CNIH1: variants seen among roughly 807,000 people sequenced by gnomAD.
The protein encoded by CNIH1 is protein cornichon homolog 1.
CNIH1 carries 12 observed loss-of-function variants against 20.2 expected under a neutral mutation model. The observed-to-expected ratio is 0.59, with a 90% confidence interval of 0.38 to 0.96. The LOEUF is 0.96. Among genes scored for constraint, CNIH1 ranks in the 40% least tolerant of loss-of-function variants. CNIH1 has a pLI of 0.00. For synonymous variants in CNIH1, 69 were observed against 63.3 expected, an observed-to-expected ratio of 1.09 and a Z score of -0.43; for missense variants, 152 against 178.8, an observed-to-expected ratio of 0.85 and a Z score of 0.85.
In CNIH1 at chr14:54,437,652, G is replaced by T. The variant is rs1178805916; in HGVS notation, c.82-1215C>A. ...TTCAATAAATATTAACTGGAAGGAG[G>T]GGGTGAAAAAAATAGCACTAGGGAT... On this transcript the variant is annotated intron_variant, in intron 1 of 4. Coordinates refer to ENST00000216416, the MANE Select transcript of CNIH1 (RefSeq NM_005776.3). 4.0e-5 allele frequency among the ~76,000 whole-genome samples: 6 copies of T among 150,474 alleles called. 1 individual carries two copies. The highest frequency in any genetic ancestry group is 6.6e-5 in the Admixed American group (1 of 15,136).
intron 1 of CNIH1, among the ~76,000 whole-genome samples, chr14:54,437,121 G>T (rs2031070674): frequency 6.6e-6 from 1 of 152,192 alleles, no homozygotes; most frequent in African/African-American, 2.4e-5. Flanking sequence ...CACTCTGGAG[G>T]AATGTGGCTT....
chr14:54,431,996 C>T (rs911167597), intron 3 of CNIH1, 112 bp downstream of exon 3: 7 of 473,262 alleles, frequency 1.5e-5, no homozygotes, highest in Non-Finnish European at 1.8e-5. Flanking sequence ...AAAATAAATG[C>T]CAACTGATCT....
chr14:54,427,511 C>T lies in CNIH1; in HGVS notation c.*303G>A. 1 of 344,724 alleles carries T rather than the reference C, an allele frequency of 2.9e-6. No individual in the cohort carries two copies. Among genetic ancestry groups the T allele is most frequent in the Non-Finnish European group, 5.2e-6 (1 of 190,744 alleles). The allele number at this position is 344,724 out of a possible 1,614,324, so 21.4% of individuals were successfully genotyped here. A position where few individuals can be genotyped will look rare whatever the true frequency, so the allele number is the denominator to read the frequency against. On this transcript the variant is annotated 3_prime_UTR_variant, in exon 5 of 5. Transcript: ENST00000216416. ...GTACTAGGACAGTCAGTAATTAATG[C>T]ATCATTCAGAGGATTATGGCTGTTC... is the stretch of plus-strand genomic sequence containing the variant.
At chr14:54,434,217 C>A (rs1227830321) in intron 2 of CNIH1, among the ~76,000 whole-genome samples, 6 of 152,226 alleles carry the variant, frequency 3.9e-5, no homozygotes, top group Non-Finnish European at 8.8e-5. Context: ...AGATGCACTG[C>A]TATTCAGCCA....
rs2030800323 is a variant in CNIH1, at chr14:54,425,146, C to T, written c.*2668G>A. The T allele has an allele frequency of 6.6e-6, 1 of 151,954 alleles. No individual in the cohort carries two copies. Among genetic ancestry groups the T allele is most frequent in the Non-Finnish European group, 1.5e-5 (1 of 68,010 alleles). 9.4% of individuals were successfully genotyped at this position (151,954 alleles called of 1,614,324 possible). A position where few individuals can be genotyped will look rare whatever the true frequency, so the allele number is the denominator to read the frequency against. On this transcript the variant is annotated 3_prime_UTR_variant, in exon 5 of 5. Transcript: ENST00000216416. ...ACCTCCTTAGTATTAAAGGGCCATA[C>T]TGCCACAATATAGTATTATTACTCA...
intron 1 of CNIH1, among the ~76,000 whole-genome samples, chr14:54,438,608 T>C (rs28546578): frequency 0.13 from 19,274 of 152,268 alleles, 1,327 homozygotes; most frequent in Non-Finnish European, 0.15. Context: ...TAGGACTAAA[T>C]TGACAGATAT....
intron 3 of CNIH1, 151 bp from the exon 4 acceptor site, chr14:54,430,555 T>C (rs186882748): frequency 3.0e-6 from 2 of 669,030 alleles, no homozygotes; most frequent in African/African-American, 3.6e-5. Flanking sequence ...CCTTTTACCA[T>C]CTTAATTTTA....
chr14:54,434,413 AG>A (rs1303757052), intron 2 of CNIH1, among the ~76,000 whole-genome samples: 6 of 152,190 alleles, frequency 3.9e-5, no homozygotes, highest in African/African-American at 1.4e-4. Context: ...ACAATACATT[AG>A]GAAAATACAA....
chr14:54,428,239 G>C (rs2030866218), intron 4 of CNIH1, among the ~76,000 whole-genome samples: 1 of 152,126 alleles, frequency 6.6e-6, no homozygotes, highest in South Asian at 2.1e-4. Context: ...ATCCTTCAAG[G>C]AGTCCTAGAA....
chr14:54,430,303 T>C lies in CNIH1; in HGVS notation c.365A>G (p.Lys122Arg). The C allele has an allele frequency of 6.2e-7, 1 of 1,614,128 alleles. No homozygotes were observed. The highest frequency in any genetic ancestry group is 8.5e-7 in the Non-Finnish European group (1 of 1,179,980). Residue 122 changes from lysine (K) to arginine (R), a missense_variant, in exon 4 of 5, where the codon AAA becomes AGA. Coordinates refer to ENST00000216416, the MANE Select transcript of CNIH1 (RefSeq NM_005776.3). ...AAATGCTAGAAGATAAAAAGCTAAT[T>C]TGCACCATCCTTCCTTCTGACAATA... ...LAYCQKEGWCKLAFYLLAFFY... is the reference protein window; with the variant it reads ...LAYCQKEGWCRLAFYLLAFFY...
chr14:54,436,619 A>T lies in CNIH1; in HGVS notation c.82-182T>A, dbSNP rs373068766. 422 of 582,846 alleles carry T rather than the reference A, an allele frequency of 7.2e-4. 1 individual carries two copies. Among genetic ancestry groups the T allele is most frequent in the African/African-American group, 6.9e-3 (369 of 53,412 alleles). The allele number at this position is 582,846 out of a possible 1,614,324, so 36.1% of individuals were successfully genotyped here. A position where few individuals can be genotyped will look rare whatever the true frequency, so the allele number is the denominator to read the frequency against. On this transcript the variant is annotated intron_variant, in intron 1 of 4. Coordinates refer to ENST00000216416, the MANE Select transcript of CNIH1 (RefSeq NM_005776.3). Reference sequence around the variant, plus strand: ...AGAACCAGAATGCGATTTAAAGTGAAAACACTCTTATCTCAGTATCACTAA... The same window carrying T: ...AGAACCAGAATGCGATTTAAAGTGATAACACTCTTATCTCAGTATCACTAA...
intron 2 of CNIH1, among the ~76,000 whole-genome samples, chr14:54,433,837 T>C (rs2030996542): frequency 6.6e-6 from 1 of 152,178 alleles, no homozygotes; most frequent in African/African-American, 2.4e-5. Flanking sequence ...TTAATAAAAG[T>C]GTTAATAAAG....
intron 3 of CNIH1, 113 bp downstream of exon 3, chr14:54,431,995 G>A (rs2030957305): frequency 8.5e-6 from 4 of 471,916 alleles, no homozygotes; most frequent in Non-Finnish European, 7.1e-6. Context: ...AAAAATAAAT[G>A]CCAACTGATC....
At chr14:54,437,495 T>TC (rs2031078254) in intron 1 of CNIH1, among the ~76,000 whole-genome samples, 1 of 152,064 alleles carries the variant, frequency 6.6e-6, no homozygotes, top group Admixed American at 6.5e-5. Flanking sequence ...TAATAAAAAC[T>TC]CCAACCAAAC....
At chr14:54,435,918 G>C (rs1374483982) in intron 2 of CNIH1, among the ~76,000 whole-genome samples, 1 of 152,146 alleles carries the variant, frequency 6.6e-6, no homozygotes, top group Non-Finnish European at 1.5e-5. Flanking sequence ...GACTGGGCCA[G>C]CAAGCATATA....
In CNIH1 at chr14:54,427,016, G is replaced by C. The variant is rs2030839665; in HGVS notation, c.*798C>G. 1 of 152,142 alleles carries C rather than the reference G, an allele frequency of 6.6e-6. No individual in the cohort carries two copies. Among genetic ancestry groups the C allele is most frequent in the South Asian group, 2.1e-4 (1 of 4,828 alleles). The allele number at this position is 152,142 out of a possible 1,614,324, so 9.4% of individuals were successfully genotyped here. On this transcript the variant is annotated 3_prime_UTR_variant, in exon 5 of 5. Coordinates refer to ENST00000216416, the MANE Select transcript of CNIH1 (RefSeq NM_005776.3). ...TTCTCTCATTCAGTTTTGAAAATCT[G>C]TAGTACCTGCAAATTCTTAAGAATA...
chr14:54,438,375 T>G (rs1216169444), intron 1 of CNIH1, among the ~76,000 whole-genome samples: 3 of 152,322 alleles, frequency 2.0e-5, no homozygotes, highest in East Asian at 3.9e-4. Context: ...TTAATGATTT[T>G]CAAATCTTTT....
At chr14:54,438,521 A>G (rs2031100260) in intron 1 of CNIH1, among the ~76,000 whole-genome samples, 1 of 152,240 alleles carries the variant, frequency 6.6e-6, no homozygotes, top group Non-Finnish European at 1.5e-5. Flanking sequence ...TCTTTAAGGA[A>G]TGACTTTTAA....
rs1307372201 is a variant in CNIH1 at position 54,424,678 on chromosome 14, T to C, written c.*3136A>G. The C allele has an allele frequency of 1.3e-5, 2 of 152,220 alleles. No individual in the cohort carries two copies. Among genetic ancestry groups the C allele is most frequent in the Admixed American group, 6.5e-5 (1 of 15,282 alleles). 9.4% of individuals were successfully genotyped at this position (152,220 alleles called of 1,614,324 possible). ...ATATTTGACATAGCTTCAAAATATA[T>C]TGATTTGGGGAGCAGAGAAGAGCTC... On this transcript the variant is annotated 3_prime_UTR_variant, in exon 5 of 5. Transcript: ENST00000216416.
Sources: gnomAD v4.1 joint callset for allele counts (sites outside exome capture counted in the v4.1 genomes callset) on GRCh38, gnomAD v4.1.1 for gene constraint, MANE v1.5 for transcripts, NCBI Gene and HGNC (gene_info 2026-07-23, HGNC 2026-07-21) for gene names.